NAV2: variants seen among roughly 807,000 people sequenced by gnomAD.
The protein encoded by NAV2 is neuron navigator 2, also known as helicase, APC down-regulated 1.
In NAV2, 54 loss-of-function variants were observed where a neutral mutation model predicts 223.2. The observed-to-expected ratio is 0.24, with a 90% confidence interval of 0.19 to 0.30. The LOEUF (loss-of-function observed/expected upper bound fraction) is 0.30. NAV2 is among the 10% of genes least tolerant of loss of function. The pLI is 1.00. For synonymous variants in NAV2, 1,279 were observed against 1,239.3 expected, an observed-to-expected ratio of 1.03 and a Z score of -0.67; for missense variants, 2,806 against 3,147.5, an observed-to-expected ratio of 0.89 and a Z score of 2.60.
At chr11:19,716,312 T>C (rs1270894810) in intron 1 of NAV2, among the ~76,000 whole-genome samples, 1 of 152,196 alleles carries the variant, frequency 6.6e-6, no homozygotes, top group Non-Finnish European at 1.5e-5. Context: ...GTCTGTCATA[T>C]ACTAGCTAGG....
chr11:19,377,965 C>A (rs1305910174), intron 1 of NAV2, among the ~76,000 whole-genome samples: 2 of 151,996 alleles, frequency 1.3e-5, no homozygotes, highest in Non-Finnish European at 2.9e-5. Flanking sequence ...TGGGTTACAG[C>A]CTTTTGAATA....
chr11:19,542,609 T>G (rs1450651918), intron 1 of NAV2, among the ~76,000 whole-genome samples: 1 of 152,258 alleles, frequency 6.6e-6, no homozygotes, highest in East Asian at 1.9e-4. Flanking sequence ...TTTATTATGC[T>G]CATTTTAGAG....
intron 11 of NAV2, among the ~76,000 whole-genome samples, chr11:20,031,057 C>A (rs2153556854): frequency 6.6e-6 from 1 of 152,262 alleles, no homozygotes; most frequent in African/African-American, 2.4e-5. Context: ...CAGGTGGGCT[C>A]AGCGCCATCA....
rs749578275 is a variant in NAV2, at chr11:20,100,972, G to C, written c.6217G>C (p.Glu2073Gln). 6.2e-7 allele frequency: 1 copy of C among 1,614,138 alleles called. No individual in the cohort carries two copies. The highest frequency in any genetic ancestry group is 1.1e-5 in the South Asian group (1 of 91,074). Residue 2073 changes from glutamate to glutamine, a missense_variant, in exon 32 of 38, where the codon GAG (glutamate) becomes CAG (glutamine). This residue lies in a region of NAV2 where 824 missense variants were observed against 1,069.4 expected (regional missense o/e 0.77). Coordinates refer to ENST00000349880, the MANE Select transcript of NAV2 (RefSeq NM_145117.5). ...AENSLDSLVF[E>Q]SLIPKPILQR... ...AAACAGCCTGGACTCACTGGTGTTT[G>C]AGTCCTTGATTCCCAAGCCCATCCT...
intron 1 of NAV2, among the ~76,000 whole-genome samples, chr11:19,411,645 G>A (rs1408482708): frequency 6.6e-6 from 1 of 152,134 alleles, no homozygotes; most frequent in East Asian, 1.9e-4. Context: ...TGAGGAGAGG[G>A]CCAGAGATGT....
chr11:19,440,550 T>C (rs984942031), intron 1 of NAV2, among the ~76,000 whole-genome samples: 13 of 152,220 alleles, frequency 8.5e-5, no homozygotes, highest in African/African-American at 2.7e-4. Context: ...GGGAGTCTTA[T>C]ATAACTCTAG....
At chr11:19,418,605 T>C (rs577348990) in intron 1 of NAV2, among the ~76,000 whole-genome samples, 4 of 152,182 alleles carry the variant, frequency 2.6e-5, no homozygotes, top group Admixed American at 2.6e-4. Context: ...AGGGGCACAT[T>C]TAAGGAACTG....
Position 19,481,068 on chromosome 11 carries a change from G to GT in NAV2, c.75+130045dup, listed in dbSNP as rs150130060. Among the ~76,000 whole-genome samples the GT allele has an allele frequency of 5.1e-3, 769 of 152,276 alleles. 6 individuals carry two copies. The highest frequency in any genetic ancestry group is 0.017 in the African/African-American group (715 of 41,548). On this transcript the variant is annotated intron_variant, in intron 1 of 37. Coordinates refer to the NAV2 transcript ENST00000360655. ...GCCCGGACAGGTGACTGCTTGGTAG[G>GT]TTTTAGGGGACAGATCTTAGGGCCA...
At chr11:19,822,182 T>C (rs995980567) in intron 1 of NAV2, among the ~76,000 whole-genome samples, 1 of 152,182 alleles carries the variant, frequency 6.6e-6, no homozygotes, top group Non-Finnish European at 1.5e-5. Flanking sequence ...CATTTCAATC[T>C]CACAGTAACC....
At chr11:19,703,906 C>A (rs1471167219) in intron 1 of NAV2, among the ~76,000 whole-genome samples, 1 of 152,054 alleles carries the variant, frequency 6.6e-6, no homozygotes, top group Non-Finnish European at 1.5e-5. Flanking sequence ...TCCCAGGTGA[C>A]TCTAATGTAA....
chr11:19,960,656 C>G lies in NAV2; in HGVS notation c.2645+11576C>G, dbSNP rs189749231. On this transcript the variant is annotated intron_variant, in intron 10 of 37. Coordinates refer to ENST00000349880, the MANE Select transcript of NAV2 (RefSeq NM_145117.5). ...TGAGACAGAATCTTGCTCCGTTGCC[C>G]AGGCTGGAGGGCAGTGGCACAATCT... Among the ~76,000 whole-genome samples, 269 of 151,328 alleles carry G rather than the reference C, an allele frequency of 1.8e-3. 1 individual carries two copies. The highest frequency in any genetic ancestry group is 6.3e-3 in the African/African-American group (259 of 41,162).
At chr11:20,117,488 A>G (rs2063212255) in intron 37 of NAV2, among the ~76,000 whole-genome samples, 1 of 152,172 alleles carries the variant, frequency 6.6e-6, no homozygotes, top group African/African-American at 2.4e-5. Flanking sequence ...TAACTTGCCC[A>G]GAGATTCCTG....
intron 1 of NAV2, among the ~76,000 whole-genome samples, chr11:19,577,837 C>T (rs1323405076): frequency 1.3e-5 from 2 of 152,278 alleles, no homozygotes; most frequent in South Asian, 2.1e-4. Flanking sequence ...GCAAGATGCT[C>T]ATTCATTCCA....
At chr11:19,581,800 A>G (rs1182771510) in intron 1 of NAV2, among the ~76,000 whole-genome samples, 2 of 152,138 alleles carry the variant, frequency 1.3e-5, no homozygotes, top group Non-Finnish European at 2.9e-5. Context: ...AGTCTTTGCT[A>G]TTGTGAATAG....
At chr11:19,773,379 C>A (rs2055874423) in intron 1 of NAV2, among the ~76,000 whole-genome samples, 1 of 152,114 alleles carries the variant, frequency 6.6e-6, no homozygotes, top group South Asian at 2.1e-4. Flanking sequence ...AACACTGGGA[C>A]CCTACCTCGT....
intron 1 of NAV2, among the ~76,000 whole-genome samples, chr11:19,395,236 CT>C: frequency 6.6e-6 from 1 of 152,250 alleles, no homozygotes; most frequent in Non-Finnish European, 1.5e-5. Flanking sequence ...ATTCACATTC[CT>C]GTTCATTGTC....
chr11:19,985,334 A>C (rs2050685126), intron 11 of NAV2, among the ~76,000 whole-genome samples: 1 of 152,164 alleles, frequency 6.6e-6, no homozygotes, highest in South Asian at 2.1e-4. Context: ...ACACTGAATG[A>C]GTTGTTAGGA....
rs10692495 is a variant in NAV2, at chr11:19,931,609, A to AAAAAAAAAAAAAAG, written c.932-1567_932-1566insAAAAAAAAAAAAAG. Among the ~76,000 whole-genome samples, 17 of 137,298 alleles carry AAAAAAAAAAAAAAG rather than the reference A, an allele frequency of 1.2e-4. 3 individuals carry two copies. Among genetic ancestry groups the AAAAAAAAAAAAAAG allele is most frequent in the Non-Finnish European group, 6.2e-5 (4 of 64,328 alleles). The allele number at this position is 137,298 out of a possible 152,430, so 90.1% of individuals were successfully genotyped here. A position where few individuals can be genotyped will look rare whatever the true frequency, so the allele number is the denominator to read the frequency against. The stretch of plus-strand genomic sequence containing the variant: ...ACATAGGTATTTAAAAAAAAAAAAA[A>AAAAAAAAAAAAAAG]GCAGAAGAAGCAGCCGTTAATCCCG... On this transcript the variant is annotated intron_variant, in intron 6 of 37. Coordinates refer to ENST00000349880, the MANE Select transcript of NAV2 (RefSeq NM_145117.5).
Position 20,009,149 on chromosome 11 carries a change from A to G in NAV2, c.2768+24902A>G, listed in dbSNP as rs553641549. Among the ~76,000 whole-genome samples the G allele has an allele frequency of 6.2e-4, 94 of 152,308 alleles. 1 individual carries two copies. Among genetic ancestry groups the G allele is most frequent in the Middle Eastern group, 3.4e-3 (1 of 294 alleles). Reference sequence around the variant, plus strand: ...AGATGAAGCTGCAAAACAAAAAAGCATAGGTTGGAGGTTGGAGGTCTGAGG... The same window carrying G: ...AGATGAAGCTGCAAAACAAAAAAGCGTAGGTTGGAGGTTGGAGGTCTGAGG... On this transcript the variant is annotated intron_variant, in intron 11 of 37. Transcript: ENST00000349880.
Sources: gnomAD v4.1 joint callset for allele counts (sites outside exome capture counted in the v4.1 genomes callset) on GRCh38, gnomAD v4.1.1 for gene constraint, gnomAD v4.1.1 regional missense constraint, MANE v1.5 for transcripts, NCBI Gene and HGNC (gene_info 2026-07-23, HGNC 2026-07-21) for gene names.